The following MAST2 variants were observed in gnomAD, a reference collection of about 807,000 sequenced individuals.
MAST2 encodes microtubule associated serine/threonine kinase 2.
MAST2 carries 70 observed loss-of-function variants against 147.4 expected under a neutral mutation model. The ratio of observed to expected loss-of-function variants is 0.47; its 90% CI spans 0.39 to 0.58. The LOEUF (loss-of-function observed/expected upper bound fraction) is 0.58. MAST2 is among the 20% of genes least tolerant of loss of function. The pLI is 0.00. For synonymous variants in MAST2, 869 were observed against 896.8 expected, an observed-to-expected ratio of 0.97 and a Z score of 0.55; for missense variants, 2,080 against 2,302.3, an observed-to-expected ratio of 0.90 and a Z score of 1.98.
chr1:45,827,875 A>C (rs1158724002), intron 2 of MAST2, among the ~76,000 whole-genome samples: 1 of 152,078 alleles, frequency 6.6e-6, no homozygotes, highest in African/African-American at 2.4e-5. Flanking sequence ...TCCCAGGCTA[A>C]AGTGCAGTGA....
chr1:45,917,612 A>C, intron 4 of MAST2: 2 of 994,350 alleles, frequency 2.0e-6, no homozygotes, highest in Non-Finnish European at 2.8e-6. Context: ...ACTCCTTAAT[A>C]ATGGGGAGAA....
At chr1:45,806,301 A>G (rs1457309288) in intron 1 of MAST2, among the ~76,000 whole-genome samples, 1 of 152,238 alleles carries the variant, frequency 6.6e-6, no homozygotes, top group Admixed American at 6.5e-5. Context: ...TTTCATTCGG[A>G]TCATGTCTTG....
chr1:45,991,344 C>T (rs1479619990), intron 5 of MAST2, among the ~76,000 whole-genome samples: 2 of 152,102 alleles, frequency 1.3e-5, no homozygotes, highest in Non-Finnish European at 2.9e-5. Flanking sequence ...TATTCTTCTT[C>T]AGTATTGTAT....
rs35474583 is a variant in MAST2 at position 46,035,492 on chromosome 1, C to G, written c.4823C>G (p.Thr1608Arg). 6.2e-7 allele frequency: 1 copy of G among 1,613,346 alleles called. No homozygotes were observed. The highest frequency in any genetic ancestry group is 1.7e-5 in the Admixed American group (1 of 60,028). Residue 1608 changes from threonine (T) to arginine (R), a missense_variant, in exon 29 of 29, where the codon ACA (threonine) becomes AGA (arginine). Transcript: ENST00000361297. This position sits in a 1 kb window ranked among gnomAD's most constrained non-coding sequence, Gnocchi z 5.5. ...CCCAACCTAGGTCAGTCTGGAGCCA[C>G]AGACCCCATCCCTCCTGAAGGTTGC... The part of the protein sequence containing the change: ...AGPNLGQSGA[T>R]DPIPPEGCWK...
chr1:46,028,681 C>T (rs901816562), intron 17 of MAST2, 87 bp from the exon 18 acceptor site: 14 of 1,397,990 alleles, frequency 1.0e-5, no homozygotes, highest in Middle Eastern at 2.3e-4. Flanking sequence ...GATTCTTCTG[C>T]TCGAGATGGG....
chr1:45,855,995 A>T (rs930269353), intron 3 of MAST2, among the ~76,000 whole-genome samples: 1 of 152,174 alleles, frequency 6.6e-6, no homozygotes, highest in South Asian at 2.1e-4. Flanking sequence ...TCAGAAGTTT[A>T]ACTTGGATTG....
At chr1:45,892,020 G>A (rs1647877384) in intron 4 of MAST2, among the ~76,000 whole-genome samples, 1 of 152,150 alleles carries the variant, frequency 6.6e-6, no homozygotes, top group African/African-American at 2.4e-5. Flanking sequence ...TACCAGGCCA[G>A]TTTTCCCAGG....
At position 46,028,858 on chromosome 1, in the gene MAST2, C is replaced by T. The variant is rs1173603538; in HGVS notation, c.2143C>T (p.Leu715=). ...GGACTGGTGGGCCATGGGCATTATC[C>T]TGTATGAGTTCCTGGTGGGCTGCGT... ...PVDWWAMGII[L]YEFLVGCVPF... is the part of the protein sequence containing the mutation. Residue 715 remains leucine, a synonymous_variant, in exon 18 of 29, where the codon CTG becomes TTG. Transcript: ENST00000361297. 6.2e-7 allele frequency: 1 copy of T among 1,613,610 alleles called. No individual in the cohort carries two copies. Among genetic ancestry groups the T allele is most frequent in the Non-Finnish European group, 8.5e-7 (1 of 1,179,906 alleles).
intron 3 of MAST2, among the ~76,000 whole-genome samples, chr1:45,845,047 T>C (rs1417493061): frequency 1.3e-5 from 2 of 152,104 alleles, no homozygotes; most frequent in Non-Finnish European, 2.9e-5. Flanking sequence ...TAAACACCTC[T>C]CAAAAGGCCA....
intron 17 of MAST2, among the ~76,000 whole-genome samples, chr1:46,028,340 A>G (rs147201709): frequency 6.6e-6 from 1 of 152,322 alleles, no homozygotes; most frequent in Non-Finnish European, 1.5e-5. Flanking sequence ...CTTGGAACAC[A>G]GCTCTGAATT....
At chr1:45,947,306 TAAAAA>T (rs55827908) in intron 4 of MAST2, among the ~76,000 whole-genome samples, 45 of 112,648 alleles carry the variant, frequency 4.0e-4, no homozygotes, top group Non-Finnish European at 5.9e-4. Context: ...TGATGAGCTT[TAAAAA>T]AAAAAAAAAA....
At chr1:45,925,531 G>T (rs995708240) in intron 4 of MAST2, among the ~76,000 whole-genome samples, 1 of 152,206 alleles carries the variant, frequency 6.6e-6, no homozygotes, top group Admixed American at 6.5e-5. Context: ...TCCTTGAAGA[G>T]AGGAGGCAGT....
chr1:45,837,911 T>A (rs1456831012), intron 3 of MAST2, among the ~76,000 whole-genome samples: 1 of 152,168 alleles, frequency 6.6e-6, no homozygotes. Context: ...CTCAAGTAGC[T>A]GAAATTACAG....
intron 4 of MAST2, among the ~76,000 whole-genome samples, chr1:45,928,655 C>T (rs1032986027): frequency 2.7e-5 from 4 of 150,858 alleles, no homozygotes; most frequent in African/African-American, 9.8e-5. Flanking sequence ...AATCACAGCT[C>T]ACTGCAACCT....
intron 4 of MAST2, among the ~76,000 whole-genome samples, chr1:45,937,894 A>G (rs1045287834): frequency 2.6e-5 from 4 of 151,958 alleles, no homozygotes; most frequent in Non-Finnish European, 4.4e-5. Context: ...CTAAATTTAT[A>G]TAATTATGTA....
At chr1:45,941,764 T>C (rs1410965814) in intron 4 of MAST2, among the ~76,000 whole-genome samples, 2 of 152,256 alleles carry the variant, frequency 1.3e-5, no homozygotes, top group African/African-American at 4.8e-5. Context: ...CCAACATACT[T>C]GCCTTGTTCC....
Position 45,984,073 on chromosome 1 carries a change from A to T in MAST2, c.593-13651A>T, listed in dbSNP as rs571727756. Among the ~76,000 whole-genome samples the T allele has an allele frequency of 2.9e-4, 44 of 152,330 alleles. No homozygotes were observed. In the South Asian group the frequency reaches 9.1e-3, roughly 32 times the overall value. On this transcript the variant is annotated intron_variant, in intron 5 of 28. Coordinates refer to ENST00000361297, the MANE Select transcript of MAST2 (RefSeq NM_015112.3). ...AAACATTGGAAATAGAATGTTTCTAATCTTCCAAAAGAAAGGTTCAATTTT... is the reference window on the plus strand; with the variant it reads ...AAACATTGGAAATAGAATGTTTCTATTCTTCCAAAAGAAAGGTTCAATTTT...
At chr1:45,987,297 A>T (rs1644664756) in intron 5 of MAST2, among the ~76,000 whole-genome samples, 1 of 151,938 alleles carries the variant, frequency 6.6e-6, no homozygotes, top group South Asian at 2.1e-4. Flanking sequence ...GATCTCAAAA[A>T]CCTGTGTATG....
intron 1 of MAST2, among the ~76,000 whole-genome samples, chr1:45,812,179 G>T (rs898693812): frequency 6.6e-6 from 1 of 152,188 alleles, no homozygotes; most frequent in Non-Finnish European, 1.5e-5. Context: ...GAAATCTTCC[G>T]AGTTTTCAGT....
Sources: gnomAD v4.1 joint callset for allele counts (sites outside exome capture counted in the v4.1 genomes callset) on GRCh38, gnomAD v4.1.1 for gene constraint, Gnocchi (gnomAD v3.1) non-coding constraint, MANE v1.5 for transcripts, NCBI Gene and HGNC (gene_info 2026-07-23, HGNC 2026-07-21) for gene names.